Variants in EPHA5 observed in about 807,000 individuals in gnomAD.
EPHA5 encodes ephrin type-A receptor 5.
In EPHA5, 60 loss-of-function variants were observed where a neutral mutation model predicts 105.0. That is an observed-to-expected ratio of 0.57 (90% CI 0.46 to 0.71). The LOEUF (loss-of-function observed/expected upper bound fraction) is 0.71, where lower values mean the gene tolerates loss of function less well. Ranked by LOEUF, EPHA5 falls within the 30% of genes least tolerant of loss-of-function variation. The probability of loss-of-function intolerance (pLI) is 0.00; values close to 1 mark genes in which losing one functional copy is unlikely to be tolerated. For synonymous variants in EPHA5, 513 were observed against 449.1 expected (o/e 1.14, Z -1.80); for missense variants, 1,218 against 1,274.7 (o/e 0.96, Z 0.68).
intron 14 of EPHA5, among the ~76,000 whole-genome samples, chr4:65,345,743 GA>G (rs1024525946): frequency 4.6e-5 from 7 of 152,244 alleles, no homozygotes; most frequent in African/African-American, 1.7e-4. Context: ...CTCACATTAG[GA>G]AAGCAATCAT....
chr4:65,536,957 C>A (rs1736350819), intron 3 of EPHA5, among the ~76,000 whole-genome samples: 1 of 151,636 alleles, frequency 6.6e-6, no homozygotes, highest in Non-Finnish European at 1.5e-5. Flanking sequence ...TGATGACAAC[C>A]CAGTTTTACA....
chr4:65,480,349 C>T (rs920214439), intron 5 of EPHA5, among the ~76,000 whole-genome samples: 1 of 152,064 alleles, frequency 6.6e-6, no homozygotes. Flanking sequence ...GGTAGGGAAG[C>T]CTGTCTTTCC....
intron 3 of EPHA5, among the ~76,000 whole-genome samples, chr4:65,554,394 T>C (rs1738207586): frequency 6.6e-6 from 1 of 151,216 alleles, no homozygotes; most frequent in African/African-American, 2.4e-5. Context: ...AGCTACACTT[T>C]ATTAACCAAA....
chr4:65,590,633 A>G (rs1742544765), intron 3 of EPHA5, among the ~76,000 whole-genome samples: 1 of 152,168 alleles, frequency 6.6e-6, no homozygotes, highest in South Asian at 2.1e-4. Flanking sequence ...CTTTTCTATG[A>G]GTAGCATAAA....
chr4:65,490,331 C>G (rs2149211594), intron 5 of EPHA5, 46 bp downstream of exon 5: 1 of 1,542,644 alleles, frequency 6.5e-7, no homozygotes, highest in Non-Finnish European at 8.9e-7. Flanking sequence ...AAATAATTGA[C>G]AGAACTAGGC....
At chr4:65,606,656 G>A (rs1437530911) in intron 2 of EPHA5, among the ~76,000 whole-genome samples, 1 of 152,082 alleles carries the variant, frequency 6.6e-6, no homozygotes, top group Non-Finnish European at 1.5e-5. Flanking sequence ...AATTGTAACT[G>A]ATAACTAAGT....
chr4:65,661,782 T>C (rs1749580914), intron 1 of EPHA5, among the ~76,000 whole-genome samples: 1 of 152,034 alleles, frequency 6.6e-6, no homozygotes, highest in Admixed American at 6.5e-5. Flanking sequence ...TGCCTTTCCA[T>C]AGAAAAGACA....
chr4:65,379,588 T>A (rs912950348), intron 8 of EPHA5, among the ~76,000 whole-genome samples: 1 of 151,718 alleles, frequency 6.6e-6, no homozygotes, highest in Non-Finnish European at 1.5e-5. Context: ...TTTACTTTGA[T>A]CAGTGTCTGG....
At chr4:65,574,901 A>T (rs1158794917) in intron 3 of EPHA5, among the ~76,000 whole-genome samples, 1 of 151,332 alleles carries the variant, frequency 6.6e-6, no homozygotes, top group Non-Finnish European at 1.5e-5. Flanking sequence ...CTGTCAGTTC[A>T]AGGATTAGAG....
chr4:65,493,807 A>G (rs937035271), intron 4 of EPHA5, among the ~76,000 whole-genome samples: 5 of 152,016 alleles, frequency 3.3e-5, no homozygotes, highest in South Asian at 2.1e-4. Context: ...AAATTTGCAG[A>G]AAGGGAGGCT....
chr4:65,482,073 G>C (rs1239703660), intron 5 of EPHA5, among the ~76,000 whole-genome samples: 1 of 152,166 alleles, frequency 6.6e-6, no homozygotes, highest in Non-Finnish European at 1.5e-5. Flanking sequence ...CGAGGCAGGT[G>C]TATCACCTGA....
intron 11 of EPHA5, among the ~76,000 whole-genome samples, chr4:65,358,816 C>T (rs1049467252): frequency 6.6e-6 from 1 of 151,650 alleles, no homozygotes; most frequent in Non-Finnish European, 1.5e-5. Flanking sequence ...CATGGAAATG[C>T]AAAATGTCTC....
At chr4:65,343,681 T>C (rs191646297) in intron 14 of EPHA5, among the ~76,000 whole-genome samples, 17 of 152,308 alleles carry the variant, frequency 1.1e-4, no homozygotes, top group Admixed American at 1.1e-3. Context: ...ATAGGAAATT[T>C]AATGCTGTAT....
At chr4:65,458,073 C>CAAAAAA (rs10565968) in intron 5 of EPHA5, among the ~76,000 whole-genome samples, 1 of 72,572 alleles carries the variant, frequency 1.4e-5, no homozygotes, top group African/African-American at 5.5e-5. Flanking sequence ...CACTCCATCC[C>CAAAAAA]AAAAAAAAAA....
At chr4:65,635,858 T>C (rs867044457) in intron 2 of EPHA5, among the ~76,000 whole-genome samples, 1 of 152,222 alleles carries the variant, frequency 6.6e-6, no homozygotes, top group East Asian at 1.9e-4. Context: ...TGTGTACATA[T>C]AGGCTAGTGA....
chr4:65,652,933 G>T (rs1238786910), intron 1 of EPHA5, among the ~76,000 whole-genome samples: 3 of 151,876 alleles, frequency 2.0e-5, no homozygotes, highest in Non-Finnish European at 4.4e-5. Flanking sequence ...TTTGCTTTAA[G>T]CATGTTAATG....
chr4:65,595,385 T>C lies in EPHA5; in HGVS notation c.910+6256A>G, dbSNP rs573316256. ...AACGAGATAGCAAATTTTTCAGTTT[T>C]GTACTTCTAACAAAATTTTTATAAA... On this transcript the variant is annotated intron_variant, in intron 3 of 16. Transcript: ENST00000613740. Among the ~76,000 whole-genome samples the C allele has an allele frequency of 9.2e-5, 14 of 152,236 alleles. No homozygotes were observed. In the South Asian group the frequency reaches 2.9e-3, roughly 32 times the overall value.
At chr4:65,625,416 G>T (rs1746046785) in intron 2 of EPHA5, among the ~76,000 whole-genome samples, 1 of 152,108 alleles carries the variant, frequency 6.6e-6, no homozygotes, top group African/African-American at 2.4e-5. Context: ...TCTTTTCACA[G>T]GCAGATACAA....
At chr4:65,502,306 A>C (rs554476588) in intron 3 of EPHA5, among the ~76,000 whole-genome samples, 1 of 151,958 alleles carries the variant, frequency 6.6e-6, no homozygotes, top group African/African-American at 2.4e-5. Context: ...CTATTAGCAA[A>C]GTAAACAGAC....
Sources: allele counts gnomAD v4.1 joint callset (sites outside exome capture counted in the v4.1 genomes callset), GRCh38; gene constraint gnomAD v4.1.1; transcripts MANE v1.5; gene names NCBI Gene and HGNC (gene_info 2026-07-23, HGNC 2026-07-21).